SCD5: variants seen among roughly 807,000 people sequenced by gnomAD.
SCD5 encodes the protein stearoyl-CoA desaturase 5, also known as acyl-CoA-desaturase 4.
In SCD5, 20 loss-of-function variants were observed where a neutral mutation model predicts 30.4. The ratio of observed to expected loss-of-function variants is 0.66; its 90% confidence interval spans 0.46 to 0.96. SCD5 has a LOEUF of 0.96. Among genes scored for constraint, SCD5 ranks in the 40% least tolerant of loss-of-function variants. The pLI, the probability that SCD5 is intolerant of heterozygous loss-of-function variation, is 0.00. For synonymous variants in SCD5, 173 were observed against 176.4 expected (o/e 0.98, Z 0.16); for missense variants, 381 against 443.3 (o/e 0.86, Z 1.26).
chr4:82,703,803 A>C (rs1440633292), intron 2 of SCD5, among the ~76,000 whole-genome samples: 1 of 152,226 alleles, frequency 6.6e-6, no homozygotes, highest in Non-Finnish European at 1.5e-5. Flanking sequence ...TAAAGAAAGG[A>C]TTGCTTGAAC....
intron 2 of SCD5, among the ~76,000 whole-genome samples, chr4:82,690,613 G>A (rs1728811995): frequency 6.6e-6 from 1 of 152,084 alleles, no homozygotes; most frequent in African/African-American, 2.4e-5. Flanking sequence ...TCGGCATACT[G>A]TTAACATCCT....
intron 2 of SCD5, among the ~76,000 whole-genome samples, chr4:82,689,261 T>C (rs914792909): frequency 6.6e-6 from 1 of 152,188 alleles, no homozygotes; most frequent in Non-Finnish European, 1.5e-5. Context: ...TGATGGGGCA[T>C]GTCGAAATGA....
chr4:82,770,533 G>A (rs995375326), intron 1 of SCD5, among the ~76,000 whole-genome samples: 3 of 152,184 alleles, frequency 2.0e-5, no homozygotes, highest in African/African-American at 7.2e-5. Context: ...ACAGTGATAA[G>A]AGAAAACAGC....
intron 1 of SCD5, among the ~76,000 whole-genome samples, chr4:82,719,648 G>A (rs1231388595): frequency 6.7e-6 from 1 of 150,048 alleles, no homozygotes; most frequent in South Asian, 2.1e-4. Flanking sequence ...GGACTACAGG[G>A]GCCCGCTACC....
intron 1 of SCD5, among the ~76,000 whole-genome samples, chr4:82,755,277 A>G (rs1446937755): frequency 6.6e-6 from 1 of 152,218 alleles, no homozygotes; most frequent in African/African-American, 2.4e-5. Context: ...AGGCAGGCAG[A>G]TCACCTGAGG....
chr4:82,720,212 T>C (rs1321690389), intron 1 of SCD5, among the ~76,000 whole-genome samples: 1 of 151,866 alleles, frequency 6.6e-6, no homozygotes, highest in African/African-American at 2.4e-5. Flanking sequence ...GGAGGACTGT[T>C]TGTGCCCCGG....
At chr4:82,677,533 G>A (rs985960337) in intron 3 of SCD5, among the ~76,000 whole-genome samples, 1 of 152,222 alleles carries the variant, frequency 6.6e-6, no homozygotes, top group Admixed American at 6.5e-5. Flanking sequence ...TAACTGGCAG[G>A]ACCGGTAAAG....
Position 82,629,657 on chromosome 4 carries a change from A to G in SCD5, c.*1670T>C, listed in dbSNP as rs949062746. On this transcript the variant is annotated 3_prime_UTR_variant, in exon 5 of 5. Coordinates refer to ENST00000319540, the MANE Select transcript of SCD5 (RefSeq NM_001037582.3). ...ATTGTGACTATTTCCAATTGCCATCATATCTTTTTCTAAAATTTAAAATTT... is the reference window on the plus strand; with the variant it reads ...ATTGTGACTATTTCCAATTGCCATCGTATCTTTTTCTAAAATTTAAAATTT... The G allele has an allele frequency of 2.0e-5, 3 of 152,244 alleles. No individual in the cohort carries two copies. Among genetic ancestry groups the G allele is most frequent in the Admixed American group, 6.5e-5 (1 of 15,290 alleles). The allele number at this position is 152,244 out of a possible 1,614,324, so 9.4% of individuals were successfully genotyped here. A position where few individuals can be genotyped will look rare whatever the true frequency, so the allele number is the denominator to read the frequency against.
intron 4 of SCD5, among the ~76,000 whole-genome samples, chr4:82,632,296 T>C (rs1248110329): frequency 6.6e-6 from 1 of 151,780 alleles, no homozygotes; most frequent in Non-Finnish European, 1.5e-5. Flanking sequence ...TTTGGTTTTC[T>C]GTCCTTGTGA....
intron 1 of SCD5, among the ~76,000 whole-genome samples, chr4:82,748,304 G>A (rs1721036249): frequency 6.6e-6 from 1 of 152,036 alleles, no homozygotes; most frequent in South Asian, 2.1e-4. Flanking sequence ...GCCTAGGCAT[G>A]CCTTGACTTT....
At chr4:82,773,675 C>A (rs1721676873) in intron 1 of SCD5, among the ~76,000 whole-genome samples, 1 of 152,202 alleles carries the variant, frequency 6.6e-6, no homozygotes, top group Non-Finnish European at 1.5e-5. Flanking sequence ...TGGGGAGTTT[C>A]TATCCACTAG....
chr4:82,779,339 A>G (rs543883302), intron 1 of SCD5, among the ~76,000 whole-genome samples: 38 of 152,328 alleles, frequency 2.5e-4, no homozygotes, highest in African/African-American at 8.7e-4. Context: ...AGGGCCCATC[A>G]GCCAAGGACA....
At chr4:82,780,711 T>C (rs370708618) in intron 1 of SCD5, among the ~76,000 whole-genome samples, 2 of 152,260 alleles carry the variant, frequency 1.3e-5, no homozygotes, top group African/African-American at 4.8e-5. Context: ...AAGGGAGACT[T>C]GGGAGATTAA....
chr4:82,788,466 C>T (rs570481898), intron 1 of SCD5, among the ~76,000 whole-genome samples: 3 of 152,336 alleles, frequency 2.0e-5, no homozygotes, highest in South Asian at 2.1e-4. Flanking sequence ...TCTCGGCTCA[C>T]TGCAACCTCT....
intron 1 of SCD5, among the ~76,000 whole-genome samples, chr4:82,728,006 A>T (rs114012211): frequency 1.3e-5 from 2 of 151,798 alleles, no homozygotes; most frequent in Non-Finnish European, 2.9e-5. Flanking sequence ...ACCATGCCCC[A>T]CCTCTAGTCT....
chr4:82,654,594 G>A (rs945576398), intron 3 of SCD5, among the ~76,000 whole-genome samples: 2 of 152,054 alleles, frequency 1.3e-5, no homozygotes, highest in African/African-American at 4.8e-5. Flanking sequence ...TTCCAAGGTG[G>A]GATTACATCA....
chr4:82,796,418 T>TG (rs955386746), intron 1 of SCD5, among the ~76,000 whole-genome samples: 1 of 152,138 alleles, frequency 6.6e-6, no homozygotes, highest in African/African-American at 2.4e-5. Flanking sequence ...TAGAGGACAC[T>TG]GGGGCCTGGG....
At chr4:82,679,199 C>CA (rs35560907) in intron 3 of SCD5, among the ~76,000 whole-genome samples, 666 of 23,770 alleles carry the variant, frequency 0.028, 37 homozygotes, top group Admixed American at 0.17. Context: ...ACTCCATCTC[C>CA]AAAAAAAAAA....
At chr4:82,664,953 A>C (rs1402416624) in intron 3 of SCD5, among the ~76,000 whole-genome samples, 2 of 127,558 alleles carry the variant, frequency 1.6e-5, no homozygotes. Flanking sequence ...GCAGCATAGC[A>C]AGACCCCATC....
Sources: gnomAD v4.1 joint callset for allele counts (sites outside exome capture counted in the v4.1 genomes callset) on GRCh38, gnomAD v4.1.1 for gene constraint, MANE v1.5 for transcripts, NCBI Gene and HGNC (gene_info 2026-07-23, HGNC 2026-07-21) for gene names.